FARS2: variants seen among roughly 807,000 people sequenced by gnomAD.
FARS2 encodes the protein phenylalanyl-tRNA synthetase 2, mitochondrial.
A neutral mutation model predicts 46.4 loss-of-function variants in FARS2; 40 were observed. That is an observed-to-expected ratio of 0.86 (90% CI 0.67 to 1.12). The LOEUF (loss-of-function observed/expected upper bound fraction) is 1.12. Ranked by LOEUF, FARS2 falls within the 50% of genes most tolerant of loss-of-function variation. The probability of loss-of-function intolerance (pLI) is 0.00; values close to 1 mark genes in which losing one functional copy is unlikely to be tolerated. For missense variants in FARS2, 513 were observed against 567.9 expected, an observed-to-expected ratio of 0.90 and a Z score of 0.98; for synonymous variants, 234 against 214.9, an observed-to-expected ratio of 1.09 and a Z score of -0.78.
chr6:5,709,700 GCATGCA>G (rs141896985), intron 6 of FARS2, among the ~76,000 whole-genome samples: 72,074 of 145,734 alleles, frequency 0.49, 19,349 homozygotes, highest in Non-Finnish European at 0.58. Flanking sequence ...GTGTGTGTGC[GCATGCA>G]CGTGCATGTT....
intron 4 of FARS2, among the ~76,000 whole-genome samples, chr6:5,527,162 C>G (rs1190980559): frequency 6.6e-6 from 1 of 152,176 alleles, no homozygotes; most frequent in Non-Finnish European, 1.5e-5. Context: ...TCTCACCAGT[C>G]AGCAATGTGC....
chr6:5,682,399 AT>A (rs1042937753), intron 6 of FARS2, among the ~76,000 whole-genome samples: 5 of 152,164 alleles, frequency 3.3e-5, no homozygotes, highest in African/African-American at 9.7e-5. Context: ...AGACCCTTGT[AT>A]TTTTTTAAGG....
upstream of FARS2, among the ~76,000 whole-genome samples, chr6:5,256,490 G>GAAAAAAAAAAAAAAAAAAAA (rs777995486): frequency 6.1e-4 from 23 of 37,522 alleles, 8 homozygotes; most frequent in Non-Finnish European, 7.6e-4. Flanking sequence ...GATTTCAACT[G>GAAAAAAAAAAAAAAAAAAAA]GAAAAAAAAA....
At chr6:5,350,333 C>G (rs1252840741) in intron 1 of FARS2, among the ~76,000 whole-genome samples, 2 of 151,928 alleles carry the variant, frequency 1.3e-5, no homozygotes, top group African/African-American at 4.8e-5. Context: ...TATACACAAG[C>G]TGTTTTTCAG....
chr6:5,380,860 C>A (rs1446109380), intron 2 of FARS2, among the ~76,000 whole-genome samples: 1 of 152,012 alleles, frequency 6.6e-6, no homozygotes, highest in Admixed American at 6.5e-5. Context: ...AGATAGTTTT[C>A]TTAAACTAGA....
At chr6:5,546,440 C>T (rs139707501) in intron 5 of FARS2, among the ~76,000 whole-genome samples, 1,674 of 151,440 alleles carry the variant, frequency 0.011, 9 homozygotes, top group Non-Finnish European at 0.019. Flanking sequence ...TTAGTAGAGA[C>T]GGGGTTTCAC....
At chr6:5,534,715 T>C (rs1770077454) in intron 4 of FARS2, among the ~76,000 whole-genome samples, 1 of 152,232 alleles carries the variant, frequency 6.6e-6, no homozygotes. Context: ...AATGCTGTTA[T>C]GAACATCGGT....
chr6:5,256,252 G>T (rs1561906729), upstream of FARS2, among the ~76,000 whole-genome samples: 1 of 152,044 alleles, frequency 6.6e-6, no homozygotes, highest in Non-Finnish European at 1.5e-5. Flanking sequence ...CACTTTGGGA[G>T]GCCGAGGTGG....
intron 4 of FARS2, among the ~76,000 whole-genome samples, chr6:5,491,050 G>A (rs1767075864): frequency 6.6e-6 from 1 of 152,182 alleles, no homozygotes; most frequent in African/African-American, 2.4e-5. Flanking sequence ...AATAGATAAG[G>A]AATACAAGGA....
At chr6:5,458,887 A>G (rs961215003) in intron 4 of FARS2, among the ~76,000 whole-genome samples, 9 of 152,244 alleles carry the variant, frequency 5.9e-5, no homozygotes, top group African/African-American at 2.2e-4. Flanking sequence ...AGGGCCATCC[A>G]TGACTGTACA....
At position 5,610,385 on chromosome 6, in the gene FARS2, G is replaced by A. The variant is rs114603803; in HGVS notation, c.1066-2784G>A. 7.3e-3 allele frequency among the ~76,000 whole-genome samples: 1,109 copies of A among 151,332 alleles called. 18 individuals carry two copies. The highest frequency in any genetic ancestry group is 0.026 in the African/African-American group (1,063 of 41,316). ...AATGCAGTCAGCTCTCTGTATATAG[G>A]GGTTTCACATCTGTGGATTCAGCCA... On this transcript the variant is annotated intron_variant, in intron 5 of 6. Coordinates refer to ENST00000274680, the MANE Select transcript of FARS2 (RefSeq NM_006567.5).
At chr6:5,250,403 GGCT>G in the FARS2 span, among the ~76,000 whole-genome samples, 1 of 151,866 alleles carries the variant, frequency 6.6e-6, no homozygotes, top group African/African-American at 2.4e-5. Flanking sequence ...CCAAAACCTT[GGCT>G]GCTATATAAT....
chr6:5,449,727 TA>T (rs1385371335), intron 4 of FARS2, among the ~76,000 whole-genome samples: 1 of 152,230 alleles, frequency 6.6e-6, no homozygotes, highest in Non-Finnish European at 1.5e-5. Context: ...GCATTATACT[TA>T]CTGATTTAGC....
At position 5,578,835 on chromosome 6, in the gene FARS2, A is replaced by AAAAAAAC. The variant is rs1561727346; in HGVS notation, c.1065+33501_1065+33502insCAAAAAA. Among the ~76,000 whole-genome samples, 9 of 8,972 alleles carry AAAAAAAC rather than the reference A, an allele frequency of 1.0e-3. 1 individual carries two copies. The highest frequency in any genetic ancestry group is 0.011 in the East Asian group (1 of 92). 5.9% of individuals were successfully genotyped at this position (8,972 alleles called of 152,430 possible). A position where few individuals can be genotyped will look rare whatever the true frequency, so the allele number is the denominator to read the frequency against. ...AAAAAAAAAAAAAAAAAAAAAAAAC[A>AAAAAAAC]AAAAAAAAAGAAAACAGTGGCAAGA... is the stretch of plus-strand genomic sequence containing the variant. On this transcript the variant is annotated intron_variant, in intron 5 of 6. Transcript: ENST00000274680.
intron 1 of FARS2, among the ~76,000 whole-genome samples, chr6:5,288,062 A>G (rs1385035428): frequency 6.6e-6 from 1 of 151,906 alleles, no homozygotes; most frequent in Non-Finnish European, 1.5e-5. Flanking sequence ...CCTCATATTT[A>G]TCCAGGGAGT....
intron 4 of FARS2, among the ~76,000 whole-genome samples, chr6:5,508,455 A>G (rs985769172): frequency 6.6e-6 from 1 of 152,154 alleles, no homozygotes; most frequent in African/African-American, 2.4e-5. Flanking sequence ...GGACTGAACC[A>G]GAGGGCAGAA....
chr6:5,528,549 C>T (rs982865633), intron 4 of FARS2, among the ~76,000 whole-genome samples: 3 of 152,168 alleles, frequency 2.0e-5, no homozygotes, highest in Non-Finnish European at 2.9e-5. Flanking sequence ...TATGGAGTTA[C>T]GCATACCTGG....
At chr6:5,438,890 T>G (rs1415980795) in intron 4 of FARS2, among the ~76,000 whole-genome samples, 3 of 152,232 alleles carry the variant, frequency 2.0e-5, no homozygotes, top group Non-Finnish European at 4.4e-5. Context: ...ATAGTTCCAA[T>G]GTCTGGATCG....
intron 1 of FARS2, among the ~76,000 whole-genome samples, chr6:5,283,070 C>T (rs908602883): frequency 6.6e-6 from 1 of 151,520 alleles, no homozygotes; most frequent in African/African-American, 2.4e-5. Context: ...AACCCTGTCT[C>T]GACTAAAAAT....
Sources: gnomAD v4.1 joint callset for allele counts (sites outside exome capture counted in the v4.1 genomes callset) on GRCh38, gnomAD v4.1.1 for gene constraint, MANE v1.5 for transcripts, NCBI Gene and HGNC (gene_info 2026-07-23, HGNC 2026-07-21) for gene names.